The following YY1AP1 variants were observed in gnomAD, a reference collection of about 807,000 sequenced individuals.
The protein encoded by YY1AP1 is YY1 associated protein 1, also known as YY1-associated protein 1.
YY1AP1 carries 43 observed loss-of-function variants against 39.9 expected under a neutral mutation model. The observed-to-expected ratio is 1.08, with a 90% CI of 0.84 to 1.39. YY1AP1 has a LOEUF of 1.39. Among genes scored for constraint, YY1AP1 ranks in the 40% most tolerant of loss-of-function variants. The probability of loss-of-function intolerance (pLI) is 0.00; values close to 1 mark genes in which losing one functional copy is unlikely to be tolerated. For synonymous variants in YY1AP1, 292 were observed against 331.3 expected (o/e 0.88, Z 1.29); for missense variants, 813 against 900.7 (o/e 0.90, Z 1.25).
intron 6 of YY1AP1, 98 bp from the exon 7 acceptor site, chr1:155,672,829 G>A: frequency 6.5e-7 from 1 of 1,534,732 alleles, no homozygotes. Flanking sequence ...TCCTACTACA[G>A]GATAAAAACA....
chr1:155,677,666 G>A (rs1051508451), intron 4 of YY1AP1, among the ~76,000 whole-genome samples: 1 of 152,164 alleles, frequency 6.6e-6, no homozygotes, highest in Non-Finnish European at 1.5e-5. Context: ...TTCTTTTATA[G>A]TATTTACTGT....
intron 9 of YY1AP1, among the ~76,000 whole-genome samples, chr1:155,666,697 C>T (rs1291092949): frequency 6.6e-6 from 1 of 150,506 alleles, no homozygotes; most frequent in South Asian, 2.1e-4. Context: ...GACACCCCAT[C>T]CCTAAAAAAA....
At position 155,688,757 on chromosome 1, in the gene YY1AP1, C is replaced by T; in HGVS notation, c.-250G>A. 4 of 1,522,026 alleles carry T rather than the reference C, an allele frequency of 2.6e-6. No homozygotes were observed. The highest frequency in any genetic ancestry group is 2.4e-5 in the South Asian group (2 of 81,866). The allele number at this position is 1,522,026 out of a possible 1,614,324, so 94.3% of individuals were successfully genotyped here. A position where few individuals can be genotyped will look rare whatever the true frequency, so the allele number is the denominator to read the frequency against. ...CCAACCGCCGCCAAAGCAGCCGCCG[C>T]CAGCACCCCCACCCTACACTCCTCG... On this transcript the variant is annotated 5_prime_UTR_variant, in exon 1 of 11. Coordinates refer to ENST00000355499, the MANE Select transcript of YY1AP1 (RefSeq NM_139119.3).
chr1:155,679,281 A>G (rs549278573), intron 4 of YY1AP1, 128 bp downstream of exon 4: 8 of 1,546,904 alleles, frequency 5.2e-6, no homozygotes, highest in Admixed American at 3.9e-5. Context: ...TCCTGACAGG[A>G]CTCTGCATCC....
At chr1:155,669,997 C>T (rs1649607005) in intron 8 of YY1AP1, among the ~76,000 whole-genome samples, 1 of 152,136 alleles carries the variant, frequency 6.6e-6, no homozygotes, top group Non-Finnish European at 1.5e-5. Context: ...TGTACTCCAG[C>T]CTGGGTGACA....
Position 155,660,205 on chromosome 1 carries a change from C to T in YY1AP1, c.1705G>A (p.Gly569Ser), listed in dbSNP as rs750782976. Reference sequence around the variant, plus strand: ...ACAGGCTGGATCATGTTACAGCCACCGCCAAGGCTCACAATCTTCACAGTG... The same window carrying T: ...ACAGGCTGGATCATGTTACAGCCACTGCCAAGGCTCACAATCTTCACAGTG... ...ATTVKIVSLGGGCNMIQPVNA... is the reference protein window; with the variant it reads ...ATTVKIVSLGSGCNMIQPVNA... Residue 569 changes from glycine to serine, a missense_variant, in exon 11 of 11, where the codon GGT becomes AGT. Physicochemically the swap from Gly to Ser is moderately conservative, Grantham distance 56 (BLOSUM62 0). Transcript: ENST00000355499. The T allele has an allele frequency of 1.5e-5, 24 of 1,614,006 alleles. No individual in the cohort carries two copies. Among genetic ancestry groups the T allele is most frequent in the South Asian group, 3.3e-5 (3 of 91,084 alleles).
intron 2 of YY1AP1, among the ~76,000 whole-genome samples, chr1:155,686,450 T>A (rs1652360525): frequency 6.6e-6 from 1 of 151,902 alleles, no homozygotes; most frequent in South Asian, 2.1e-4. Context: ...CAAAAACAGT[T>A]CTCTGGTTTT....
chr1:155,684,372 A>T (rs1024336409), intron 2 of YY1AP1, among the ~76,000 whole-genome samples: 1 of 152,216 alleles, frequency 6.6e-6, no homozygotes, highest in African/African-American at 2.4e-5. Flanking sequence ...GTACGTTTTG[A>T]GAAAAATAAC....
At chr1:155,673,257 G>A (rs574789804) in intron 6 of YY1AP1, among the ~76,000 whole-genome samples, 8 of 151,962 alleles carry the variant, frequency 5.3e-5, no homozygotes, top group African/African-American at 1.4e-4. Flanking sequence ...CTCACAATCC[G>A]CCTGCCTCGG....
intron 4 of YY1AP1, among the ~76,000 whole-genome samples, chr1:155,678,740 A>G (rs1028387689): frequency 6.6e-6 from 1 of 152,204 alleles, no homozygotes; most frequent in Non-Finnish European, 1.5e-5. Flanking sequence ...AGTGCTGTTA[A>G]GTTCAAACAC....
intron 9 of YY1AP1, among the ~76,000 whole-genome samples, chr1:155,663,961 G>A (rs1270097180): frequency 6.6e-6 from 1 of 150,438 alleles, no homozygotes; most frequent in Non-Finnish European, 1.5e-5. Context: ...GAGCACTTGA[G>A]GCCAGGAGTT....
intron 4 of YY1AP1, chr1:155,679,135 C>A: frequency 7.2e-7 from 1 of 1,379,980 alleles, no homozygotes; most frequent in South Asian, 1.3e-5. Flanking sequence ...TTGAGTCCTA[C>A]ATACCTCTCC....
At position 155,663,179 on chromosome 1, in the gene YY1AP1, T is replaced by C. The variant is rs545622210; in HGVS notation, c.880-1756A>G. Among the ~76,000 whole-genome samples, 5 of 152,088 alleles carry C rather than the reference T, an allele frequency of 3.3e-5. No homozygotes were observed. The South Asian group carries it at 8.3e-4, about 25-fold the overall frequency. The stretch of plus-strand genomic sequence containing the variant: ...CAAGGTCAGGAGATCAAGACCATCC[T>C]GGCCAACATGGTGAAACCCCATCTC... On this transcript the variant is annotated intron_variant, in intron 9 of 10. Coordinates refer to ENST00000355499, the MANE Select transcript of YY1AP1 (RefSeq NM_139119.3).
At chr1:155,681,757 C>G (rs952080141) in intron 2 of YY1AP1, among the ~76,000 whole-genome samples, 1 of 151,934 alleles carries the variant, frequency 6.6e-6, no homozygotes, top group African/African-American at 2.4e-5. Flanking sequence ...GACTGCCAAT[C>G]CAATTGATGG....
chr1:155,682,144 TGTTCTGA>T (rs988940825), intron 2 of YY1AP1, among the ~76,000 whole-genome samples: 4 of 152,240 alleles, frequency 2.6e-5, no homozygotes, highest in Non-Finnish European at 5.9e-5. Flanking sequence ...CAGAGATCTT[TGTTCTGA>T]GTTCTGACTC....
At chr1:155,677,793 A>C (rs908579350) in intron 4 of YY1AP1, among the ~76,000 whole-genome samples, 10 of 152,196 alleles carry the variant, frequency 6.6e-5, no homozygotes, top group East Asian at 3.9e-4. Flanking sequence ...AGAAGAGAAG[A>C]AGCATAAAAA....
At chr1:155,681,269 ATCCGCCCACCTCAGCC>A (rs368733927) in intron 2 of YY1AP1, among the ~76,000 whole-genome samples, 184 of 152,054 alleles carry the variant, frequency 1.2e-3, no homozygotes, top group African/African-American at 4.2e-3. Flanking sequence ...ACCTCAGGTG[ATCCGCCCACCTCAGCC>A]TCCCAAAGTG....
intron 4 of YY1AP1, 60 bp from the exon 5 acceptor site, chr1:155,676,806 T>A (rs978375945): frequency 2.6e-6 from 4 of 1,536,476 alleles, no homozygotes; most frequent in Non-Finnish European, 3.6e-6. Context: ...CACATCCAAT[T>A]CTTTGCAATG....
chr1:155,679,307 A>G (rs1651177101), intron 4 of YY1AP1, 102 bp downstream of exon 4: 1 of 1,566,942 alleles, frequency 6.4e-7, no homozygotes. Context: ...TCAGTAACAG[A>G]AGCTGGCTGG....
Sources: allele counts gnomAD v4.1 joint callset (sites outside exome capture counted in the v4.1 genomes callset), GRCh38; gene constraint gnomAD v4.1.1; transcripts MANE v1.5; gene names NCBI Gene and HGNC (gene_info 2026-07-23, HGNC 2026-07-21).